Variants in ZNF564 observed in about 807,000 individuals in gnomAD.
ZNF564 encodes zinc finger protein 564.
ZNF564 carries 5 observed loss-of-function variants against 10.5 expected under a neutral mutation model. That is an observed-to-expected ratio of 0.48 (90% CI 0.25 to 1.00). The LOEUF is 1.00. Among genes scored for constraint, ZNF564 ranks in the 50% least tolerant of loss-of-function variants. The pLI is 0.16. For missense variants in ZNF564, 603 were observed against 669.7 expected, an observed-to-expected ratio of 0.90 and a Z score of 1.10; for synonymous variants, 242 against 218.1, an observed-to-expected ratio of 1.11 and a Z score of -0.97.
chr19:12,527,479 C>G lies in ZNF564; in HGVS notation c.629G>C (p.Ser210Thr). Residue 210 changes from serine (S) to threonine (T), a missense_variant, in exon 4 of 4, where the codon AGT becomes ACT. Coordinates refer to ENST00000339282, the MANE Select transcript of ZNF564 (RefSeq NM_144976.4). ...AGTTCTTTCATGTATCTGAAATAAACTTGGGCGATCAAAGGCTTTCCCACA... is the reference window on the plus strand; with the variant it reads ...AGTTCTTTCATGTATCTGAAATAAAGTTGGGCGATCAAAGGCTTTCCCACA... The part of the protein sequence containing the change: ...QECGKAFDRP[S>T]LFQIHERTHT... 1 of 1,613,906 alleles carries G rather than the reference C, an allele frequency of 6.2e-7. No individual in the cohort carries two copies. Among genetic ancestry groups the G allele is most frequent in the Non-Finnish European group, 8.5e-7 (1 of 1,179,954 alleles).
intron 1 of ZNF564, among the ~76,000 whole-genome samples, chr19:12,531,804 T>C (rs1398509442): frequency 6.6e-6 from 1 of 151,898 alleles, no homozygotes; most frequent in African/African-American, 2.4e-5. Context: ...AAGTAAAAAA[T>C]ATGGTAGATA....
At chr19:12,533,745 A>AAAC (rs2021853791) in intron 1 of ZNF564, among the ~76,000 whole-genome samples, 2 of 149,854 alleles carry the variant, frequency 1.3e-5, no homozygotes, top group Non-Finnish European at 3.0e-5. Flanking sequence ...AAAAAAAAAA[A>AAAC]AAAAACAGAA....
chr19:12,527,954 CTT>C, intron 3 of ZNF564, 38 bp from the exon 4 acceptor site: 1 of 1,538,116 alleles, frequency 6.5e-7, no homozygotes, highest in Non-Finnish European at 8.7e-7. Flanking sequence ...TGGTTTGTGA[CTT>C]TATATTTATT....
At chr19:12,532,534 C>CAAAAAA (rs35579003) in intron 1 of ZNF564, among the ~76,000 whole-genome samples, 2 of 39,228 alleles carry the variant, frequency 5.1e-5, no homozygotes, top group African/African-American at 1.0e-4. Context: ...GACTCCGTCT[C>CAAAAAA]AAAAAAAAAA....
At chr19:12,546,283 G>C (rs1599287848) in intron 1 of ZNF564, among the ~76,000 whole-genome samples, 1 of 152,108 alleles carries the variant, frequency 6.6e-6, no homozygotes, top group Non-Finnish European at 1.5e-5. Context: ...TGACAATGTT[G>C]AATTTTACCC....
rs778023555 is a variant in ZNF564, at chr19:12,526,967, G to T, written c.1141C>A (p.Arg381=). 29 of 1,613,094 alleles carry T rather than the reference G, an allele frequency of 1.8e-5. No homozygotes were observed. Among genetic ancestry groups the T allele is most frequent in the Non-Finnish European group, 2.3e-5 (27 of 1,179,758 alleles). Residue 381 remains arginine, a synonymous_variant, in exon 4 of 4, where the codon CGA becomes AGA. Coordinates refer to ENST00000339282, the MANE Select transcript of ZNF564 (RefSeq NM_144976.4). ...GKAFISLPSV[R]RHMIKHTGDG... ...CCAGTGTGCTTTATCATGTGTCTTC[G>T]GACACTTGGGAGAGAAATGAAGGCT...
At chr19:12,538,720 G>A (rs1393992379) in intron 1 of ZNF564, among the ~76,000 whole-genome samples, 1 of 152,004 alleles carries the variant, frequency 6.6e-6, no homozygotes, top group Non-Finnish European at 1.5e-5. Flanking sequence ...TGACACAGAA[G>A]GATACTTGAG....
rs1321936850 is a variant in ZNF564 at position 12,540,591 on chromosome 19, A to C, written c.3+10739T>G. On this transcript the variant is annotated intron_variant, in intron 1 of 3. Coordinates refer to ENST00000339282, the MANE Select transcript of ZNF564 (RefSeq NM_144976.4). ...AAAAACCGGCTGGGTGTGGTAGCTCATGCCTGTAATCCCAGCACTTTGGGA... is the reference window on the plus strand; with the variant it reads ...AAAAACCGGCTGGGTGTGGTAGCTCCTGCCTGTAATCCCAGCACTTTGGGA... 3.9e-5 allele frequency among the ~76,000 whole-genome samples: 6 copies of C among 152,228 alleles called. No homozygotes were observed. The Middle Eastern group carries it at 0.01, about 259-fold the overall frequency.
intron 1 of ZNF564, among the ~76,000 whole-genome samples, chr19:12,532,311 G>A (rs897226336): frequency 4.0e-4 from 60 of 151,412 alleles, no homozygotes; most frequent in Admixed American, 2.8e-3. Context: ...CAAGGCGGGC[G>A]GATCACGAGG....
chr19:12,546,013 A>G (rs1395855639), intron 1 of ZNF564, among the ~76,000 whole-genome samples: 3 of 152,200 alleles, frequency 2.0e-5, no homozygotes, highest in Non-Finnish European at 4.4e-5. Flanking sequence ...ATGGTCTGAA[A>G]GGGGATTGTT....
intron 1 of ZNF564, among the ~76,000 whole-genome samples, chr19:12,545,660 G>T (rs1209991736): frequency 6.6e-6 from 1 of 152,084 alleles, no homozygotes; most frequent in Non-Finnish European, 1.5e-5. Context: ...ACTATTCAAA[G>T]AACTTAGCAA....
chr19:12,538,701 T>C (rs1046003555), intron 1 of ZNF564, among the ~76,000 whole-genome samples: 1 of 152,032 alleles, frequency 6.6e-6, no homozygotes, highest in Non-Finnish European at 1.5e-5. Context: ...TCCCAGCTAC[T>C]TGGGAGGCTG....
chr19:12,533,338 A>T (rs1418798045), intron 1 of ZNF564, among the ~76,000 whole-genome samples: 2 of 152,216 alleles, frequency 1.3e-5, no homozygotes, highest in African/African-American at 4.8e-5. Flanking sequence ...TTTATCAAAA[A>T]TTAGGGTATG....
chr19:12,537,440 G>C (rs1444740501), intron 1 of ZNF564, among the ~76,000 whole-genome samples: 1 of 152,092 alleles, frequency 6.6e-6, no homozygotes, highest in Admixed American at 6.6e-5. Context: ...AAAGTATATG[G>C]AAGACAATGT....
intron 1 of ZNF564, among the ~76,000 whole-genome samples, chr19:12,537,951 G>A (rs1289390433): frequency 6.6e-6 from 1 of 151,858 alleles, no homozygotes; most frequent in Non-Finnish European, 1.5e-5. Context: ...TTGTGAACAG[G>A]AAAAAATTTC....
At chr19:12,544,240 G>T (rs2022111448) in intron 1 of ZNF564, among the ~76,000 whole-genome samples, 1 of 152,076 alleles carries the variant, frequency 6.6e-6, no homozygotes, top group African/African-American at 2.4e-5. Context: ...CTGAAACCAG[G>T]GCATCTATGT....
intron 1 of ZNF564, among the ~76,000 whole-genome samples, chr19:12,545,050 G>C (rs1164486465): frequency 6.6e-6 from 1 of 152,066 alleles, no homozygotes; most frequent in Non-Finnish European, 1.5e-5. Flanking sequence ...CCTGAGGTCA[G>C]GAGTTTGAGA....
At position 12,539,873 on chromosome 19, in the gene ZNF564, C is replaced by T. The variant is rs1346314184; in HGVS notation, c.4-11177G>A. 6.5e-5 allele frequency among the ~76,000 whole-genome samples: 9 copies of T among 139,424 alleles called. No homozygotes were observed. In the South Asian group the frequency reaches 7.0e-4, roughly 11 times the overall value. 91.5% of individuals were successfully genotyped at this position (139,424 alleles called of 152,430 possible). A position where few individuals can be genotyped will look rare whatever the true frequency, so the allele number is the denominator to read the frequency against. On this transcript the variant is annotated intron_variant, in intron 1 of 3. Coordinates refer to ENST00000339282, the MANE Select transcript of ZNF564 (RefSeq NM_144976.4). ...GTGGGCGCCTGTAGTCCCAGCTACT[C>T]GGGAGGCTGAGGCAGGAGATTGGCG...
At chr19:12,551,159 C>A (rs2022250915) in intron 1 of ZNF564, among the ~76,000 whole-genome samples, 171 bp downstream of exon 1, 1 of 152,264 alleles carries the variant, frequency 6.6e-6, no homozygotes, top group Admixed American at 6.5e-5. Flanking sequence ...GTACTGGCTA[C>A]GGCCCAACCC....
Sources: gnomAD v4.1 joint callset for allele counts (sites outside exome capture counted in the v4.1 genomes callset) on GRCh38, gnomAD v4.1.1 for gene constraint, MANE v1.5 for transcripts, NCBI Gene and HGNC (gene_info 2026-07-23, HGNC 2026-07-21) for gene names.